RNF212: variants seen among roughly 807,000 people sequenced by gnomAD.
The protein encoded by RNF212 is ring finger protein 212.
Under a neutral mutation model 34.7 loss-of-function variants are expected in RNF212, and 33 were observed. The ratio of observed to expected loss-of-function variants is 0.95; its 90% CI spans 0.72 to 1.27. The LOEUF (loss-of-function observed/expected upper bound fraction) is 1.27, where lower values mean the gene tolerates loss of function less well. Among genes scored for constraint, RNF212 ranks in the 50% most tolerant of loss-of-function variants. The probability of loss-of-function intolerance (pLI) is 0.00; values close to 1 mark genes in which losing one functional copy is unlikely to be tolerated. For missense variants in RNF212, 377 were observed against 362.2 expected (o/e 1.04, Z -0.33); for synonymous variants, 140 against 136.1 (o/e 1.03, Z -0.20).
intron 2 of RNF212, among the ~76,000 whole-genome samples, chr4:1,105,297 G>A (rs1315480751): frequency 2.1e-5 from 1 of 48,318 alleles, no homozygotes; most frequent in African/African-American, 3.6e-5. Flanking sequence ...CGCGCTCACC[G>A]GAGTCTCCCT....
At chr4:1,094,489 C>T (rs1047292463) in intron 3 of RNF212, among the ~76,000 whole-genome samples, 14 of 152,178 alleles carry the variant, frequency 9.2e-5, no homozygotes, top group Admixed American at 4.6e-4. Context: ...CAAGCCGCAA[C>T]TGAGAGGACT....
chr4:1,060,127 G>C (rs544038528), intron 3 of RNF212, among the ~76,000 whole-genome samples: 72 of 147,554 alleles, frequency 4.9e-4, no homozygotes, highest in Non-Finnish European at 1.6e-4. Context: ...AAAAGAAATT[G>C]TTTCCTATTT....
chr4:1,072,653 T>A lies in RNF212; in HGVS notation c.*221A>T. The A allele has an allele frequency of 9.0e-7, 1 of 1,114,926 alleles. No homozygotes were observed. Among genetic ancestry groups the A allele is most frequent in the Non-Finnish European group, 1.1e-6 (1 of 879,916 alleles). 69.1% of individuals were successfully genotyped at this position (1,114,926 alleles called of 1,614,324 possible). A position where few individuals can be genotyped will look rare whatever the true frequency, so the allele number is the denominator to read the frequency against. ...TCCCTAAGCATGAGAACCTATAAAATAAAAGGGATAATAACAATATATATG... is the reference window on the plus strand; with the variant it reads ...TCCCTAAGCATGAGAACCTATAAAAAAAAAGGGATAATAACAATATATATG... On this transcript the variant is annotated 3_prime_UTR_variant, in exon 10 of 10. Transcript: ENST00000433731.
intron 4 of RNF212, among the ~76,000 whole-genome samples, chr4:1,057,703 T>C (rs1481593373): frequency 5.9e-5 from 9 of 152,146 alleles, no homozygotes; most frequent in Non-Finnish European, 1.3e-4. Flanking sequence ...CAGCACGCAG[T>C]CACCACGTGG....
chr4:1,107,678 C>T (rs1201075019), intron 2 of RNF212, among the ~76,000 whole-genome samples: 1 of 152,146 alleles, frequency 6.6e-6, no homozygotes, highest in Non-Finnish European at 1.5e-5. Context: ...TCTTGATCTC[C>T]TGATCTCGTG....
In RNF212 at chr4:1,073,130, G is replaced by A; in HGVS notation, c.638C>T (p.Pro213Leu). 1.9e-6 allele frequency: 3 copies of A among 1,614,156 alleles called. No individual in the cohort carries two copies. Among genetic ancestry groups the A allele is most frequent in the Non-Finnish European group, 2.5e-6 (3 of 1,180,024 alleles). The change falls in exon 10 of 10, where the codon CCC becomes CTC. Residue 213 changes from proline (P) to leucine (L), a missense_variant. Transcript: ENST00000433731. ...ACCTCTGGAAATGACACACTCTCCG[G>A]GCACAGGGGGCTTAGACAAGGTCAA... ...PWLTLSKPPV[P>L]GECVISRGSP...
intron 3 of RNF212, among the ~76,000 whole-genome samples, chr4:1,061,260 C>G (rs998166872): frequency 1.4e-4 from 22 of 152,116 alleles, no homozygotes; most frequent in Non-Finnish European, 7.4e-5. Context: ...ACAGCTGCAC[C>G]AGGGTGGGTA....
At chr4:1,096,011 C>T (rs112742902) in intron 3 of RNF212, among the ~76,000 whole-genome samples, 28 of 63,422 alleles carry the variant, frequency 4.4e-4, no homozygotes, top group South Asian at 1.2e-3. Flanking sequence ...CTCGGGATAG[C>T]GCACCTGGCT....
At position 1,093,811 on chromosome 4, in the gene RNF212, G is replaced by A. The variant is rs779483360; in HGVS notation, c.246+2954C>T. 136 of 1,536,264 alleles carry A rather than the reference G, an allele frequency of 8.9e-5. 1 individual carries two copies. The highest frequency in any genetic ancestry group is 6.3e-4 in the Admixed American group (32 of 50,992). On this transcript the variant is annotated intron_variant, in intron 3 of 9. Coordinates refer to ENST00000433731, the MANE Select transcript of RNF212 (RefSeq NM_001131034.4). ...GGAGCAGGGTGAGGGGGTGAGGTGC[G>A]TCCTGGATGGTGTTTCCCTGGGCCT... is the stretch of plus-strand genomic sequence containing the variant.
chr4:1,093,394 TGTTAC>T, intron 3 of RNF212: 1 of 1,395,578 alleles, frequency 7.2e-7, no homozygotes, highest in Non-Finnish European at 9.3e-7. Flanking sequence ...CCAATATTTA[TGTTAC>T]GTTGATATTA....
rs76277570 is a variant in RNF212 at position 1,074,660 on chromosome 4, C to T, written c.511-998G>A. The stretch of plus-strand genomic sequence containing the variant: ...GGACGGACCCCCCTGCTTGGCATGG[C>T]CCTCTGAGCTGCCTGCAGGCCAGCT... On this transcript the variant is annotated intron_variant, in intron 8 of 9. Transcript: ENST00000433731. 6.9e-3 allele frequency among the ~76,000 whole-genome samples: 1,050 copies of T among 152,280 alleles called. 62 individuals are homozygous for T. The East Asian group carries it at 0.15, about 21-fold the overall frequency.
At chr4:1,095,055 G>C (rs62294752) in intron 3 of RNF212, among the ~76,000 whole-genome samples, 1,709 of 151,666 alleles carry the variant, frequency 0.011, 30 homozygotes, top group East Asian at 0.068. Context: ...AAAACACATG[G>C]TCTCAGGATA....
At chr4:1,066,657 C>T (rs146455535), downstream of RNF212, among the ~76,000 whole-genome samples, 214 of 152,210 alleles carry the variant, frequency 1.4e-3, 1 homozygote, top group African/African-American at 4.9e-3. Flanking sequence ...TCAGGTTGTT[C>T]GTTGTTAAGT....
downstream of RNF212, among the ~76,000 whole-genome samples, chr4:1,070,804 A>G (rs377367499): frequency 8.5e-5 from 13 of 152,238 alleles, no homozygotes; most frequent in African/African-American, 2.7e-4. Context: ...AGAAATACCA[A>G]TGATGACAGA....
At chr4:1,110,562 A>G (rs1008188553) in intron 1 of RNF212, among the ~76,000 whole-genome samples, 23 of 152,242 alleles carry the variant, frequency 1.5e-4, no homozygotes, top group African/African-American at 5.3e-4. Flanking sequence ...TGTATCATGC[A>G]ACCTTAAGAA....
chr4:1,058,481 T>C (rs868046281), intron 3 of RNF212: 7 of 498,364 alleles, frequency 1.4e-5, no homozygotes, highest in Middle Eastern at 4.1e-4. Flanking sequence ...CCTGCTGAGC[T>C]TCTCCGTAGC....
At chr4:1,074,882 C>T (rs964125970) in intron 8 of RNF212, among the ~76,000 whole-genome samples, 1 of 148,928 alleles carries the variant, frequency 6.7e-6, no homozygotes, top group African/African-American at 2.5e-5. Context: ...TTTCACCTGC[C>T]TGGAGTGCTG....
In RNF212 at chr4:1,073,490, C is replaced by T. The variant is rs530353564; in HGVS notation, c.574+109G>A. 8.8e-5 allele frequency: 78 copies of T among 889,612 alleles called. No individual in the cohort carries two copies. The South Asian group carries it at 9.3e-4, about 11-fold the overall frequency. The allele number at this position is 889,612 out of a possible 1,614,324, so 55.1% of individuals were successfully genotyped here. A position where few individuals can be genotyped will look rare whatever the true frequency, so the allele number is the denominator to read the frequency against. ...GCCTCCCATGCACCGGGTGGAAGGA[C>T]AGCACCCCCTTGGGTAGGTTCTGAC... On this transcript the variant is annotated intron_variant, in intron 9 of 9. Transcript: ENST00000433731.
At chr4:1,106,121 G>A (rs984843110) in intron 2 of RNF212, among the ~76,000 whole-genome samples, 15 of 152,312 alleles carry the variant, frequency 9.8e-5, no homozygotes, top group African/African-American at 3.1e-4. Flanking sequence ...GCTCCTATAG[G>A]GGGGTGAAGC....
Sources: gnomAD v4.1 joint callset for allele counts (sites outside exome capture counted in the v4.1 genomes callset) on GRCh38, gnomAD v4.1.1 for gene constraint, MANE v1.5 for transcripts, NCBI Gene and HGNC (gene_info 2026-07-23, HGNC 2026-07-21) for gene names.